Variants in ANKAR observed in about 807,000 individuals in gnomAD.
ANKAR encodes ankyrin and armadillo repeat-containing protein.
In ANKAR, 136 loss-of-function variants were observed where a neutral mutation model predicts 146.2. The ratio of observed to expected loss-of-function variants is 0.93; its 90% CI spans 0.81 to 1.07. ANKAR has a LOEUF of 1.07. ANKAR is among the 50% of genes least tolerant of loss of function. The pLI is 0.00. For synonymous variants in ANKAR, 500 were observed against 575.8 expected, an observed-to-expected ratio of 0.87 and a Z score of 1.88; for missense variants, 1,567 against 1,679.9, an observed-to-expected ratio of 0.93 and a Z score of 1.18.
intron 21 of ANKAR, 38 bp from the exon 22 acceptor site, chr2:189,744,704 C>A (rs1257466147): frequency 6.7e-7 from 1 of 1,491,254 alleles, no homozygotes; most frequent in Non-Finnish European, 9.3e-7. Flanking sequence ...TGCATTATGT[C>A]TTCATTTATT....
At chr2:189,691,216 C>G (rs2036344813) in intron 3 of ANKAR, among the ~76,000 whole-genome samples, 1 of 152,076 alleles carries the variant, frequency 6.6e-6, no homozygotes, top group Admixed American at 6.5e-5. Context: ...CCACCATGCC[C>G]AGCTAATTTT....
intron 12 of ANKAR, among the ~76,000 whole-genome samples, chr2:189,726,512 C>A (rs2041894037): frequency 6.6e-6 from 1 of 152,062 alleles, no homozygotes. Context: ...ACACATCAAA[C>A]AAACCCAAAC....
At chr2:189,727,729 T>G (rs2042032134) in intron 12 of ANKAR, 127 bp from the exon 13 acceptor site, 10 of 1,211,580 alleles carry the variant, frequency 8.3e-6, no homozygotes. Flanking sequence ...TTATTTCTAT[T>G]TTTCTTTATT....
At chr2:189,746,747 C>A, downstream of ANKAR, 1 of 1,101,690 alleles carries the variant, frequency 9.1e-7, no homozygotes, top group Non-Finnish European at 1.2e-6. Flanking sequence ...TTCTTGATCT[C>A]GATACTAAGC....
intron 18 of ANKAR, among the ~76,000 whole-genome samples, chr2:189,755,869 G>GA (rs1182995633): frequency 2.6e-5 from 4 of 152,104 alleles, no homozygotes; most frequent in Non-Finnish European, 4.4e-5. Context: ...GGAAGGACAG[G>GA]AAAAAATTGT....
chr2:189,744,716 T>C lies in ANKAR; in HGVS notation c.4011-26T>C, dbSNP rs772363360. The C allele has an allele frequency of 3.4e-5, 52 of 1,550,700 alleles. 1 individual carries two copies. The South Asian group carries it at 5.9e-4, about 18-fold the overall frequency. On this transcript the variant is annotated intron_variant, in intron 21 of 22. Coordinates refer to ENST00000684021, the MANE Select transcript of ANKAR (RefSeq NM_001378068.1). ...GGGTGCATTATGTCTTCATTTATTT[T>C]AATGACAAAAATGTTTTCCTTTTAG...
chr2:189,733,356 C>A, intron 17 of ANKAR, 127 bp downstream of exon 17: 1 of 808,318 alleles, frequency 1.2e-6, no homozygotes, highest in East Asian at 2.9e-5. Flanking sequence ...TGTAAAAGAT[C>A]TCTTTGTAGG....
intron 6 of ANKAR, 126 bp downstream of exon 6, chr2:189,695,287 C>G: frequency 2.6e-6 from 2 of 757,598 alleles, no homozygotes; most frequent in Non-Finnish European, 3.9e-6. Context: ...AATAAAATGC[C>G]ACATTTTAGT....
At position 189,696,291 on chromosome 2, in the gene ANKAR, A is replaced by G; in HGVS notation, c.1630A>G (p.Asn544Asp). 6.2e-7 allele frequency: 1 copy of G among 1,614,130 alleles called. No individual in the cohort carries two copies. The change falls in exon 7 of 23, where the codon AAC becomes GAC. Residue 544 changes from asparagine to aspartate, a missense_variant. Asn to Asp is a conservative substitution (Grantham distance 23, BLOSUM62 1). Transcript: ENST00000684021. ...TATTTTTCATCATGCTGCCCTGCAC[A>G]ACAGAGTTTCTATTATATGTCAACT... ...YTIFHHAALH[N>D]RVSIICQLCN...
downstream of ANKAR, chr2:189,761,683 ACTT>A: frequency 6.8e-7 from 1 of 1,479,304 alleles, no homozygotes; most frequent in Non-Finnish European, 8.9e-7. Context: ...TACAGAAACA[ACTT>A]ATTATTTGCA....
In ANKAR at chr2:189,728,768, T is replaced by C. The variant is rs2042124695; in HGVS notation, c.3140T>C (p.Ile1047Thr). 1 of 1,614,074 alleles carries C rather than the reference T, an allele frequency of 6.2e-7. No individual in the cohort carries two copies. The highest frequency in any genetic ancestry group is 2.2e-5 in the East Asian group (1 of 44,880). Residue 1047 changes from isoleucine to threonine, a missense_variant, in exon 15 of 23, where the codon ATT (isoleucine) becomes ACT (threonine). Physicochemically the swap from Ile to Thr is moderately conservative, Grantham distance 89 (BLOSUM62 -1). Coordinates refer to ENST00000684021, the MANE Select transcript of ANKAR (RefSeq NM_001378068.1). The stretch of plus-strand genomic sequence containing the variant: ...GTTCGCTTACTAAGAATTAGTACGA[T>C]TGCTGAAGGCACACTTCTCAGTGTC... ...PLVRLLRIST[I>T]AEGTLLSVIR... is the part of the protein sequence containing the mutation.
chr2:189,717,529 C>T (rs866047160), intron 10 of ANKAR, among the ~76,000 whole-genome samples: 7 of 152,222 alleles, frequency 4.6e-5, no homozygotes, highest in Middle Eastern at 3.4e-3. Context: ...GACAGTGTGG[C>T]GATTCCTCAA....
At chr2:189,732,319 T>C (rs2042479170) in intron 16 of ANKAR, among the ~76,000 whole-genome samples, 1 of 152,104 alleles carries the variant, frequency 6.6e-6, no homozygotes, top group African/African-American at 2.4e-5. Flanking sequence ...GGAGGAAAAA[T>C]TAGTAGTACT....
chr2:189,752,283 C>T (rs556098303), intron 18 of ANKAR, among the ~76,000 whole-genome samples: 1 of 152,342 alleles, frequency 6.6e-6, no homozygotes, highest in East Asian at 1.9e-4. Context: ...CCCACTCTCA[C>T]ACCTGAATGC....
At chr2:189,701,481 C>T (rs772203922) in intron 7 of ANKAR, among the ~76,000 whole-genome samples, 1 of 152,192 alleles carries the variant, frequency 6.6e-6, no homozygotes, top group Non-Finnish European at 1.5e-5. Flanking sequence ...GGAATCCTCC[C>T]ACCTTGGCTT....
At chr2:189,693,541 G>C (rs1402216047) in intron 5 of ANKAR, among the ~76,000 whole-genome samples, 1 of 152,164 alleles carries the variant, frequency 6.6e-6, no homozygotes, top group African/African-American at 2.4e-5. Context: ...GTAGAGCTCA[G>C]AGGAAACATT....
intron 9 of ANKAR, among the ~76,000 whole-genome samples, chr2:189,708,963 G>A (rs1167602141): frequency 2.6e-5 from 4 of 152,112 alleles, no homozygotes; most frequent in South Asian, 2.1e-4. Context: ...TCAGCTGGGC[G>A]TGGTGGCACG....
chr2:189,757,546 T>C (rs75999172), intron 18 of ANKAR, among the ~76,000 whole-genome samples: 2,483 of 152,348 alleles, frequency 0.016, 68 homozygotes, highest in African/African-American at 0.056. Context: ...ACAACATTAA[T>C]TTGAGTTAGT....
chr2:189,724,922 AAAG>A (rs1326434452), intron 12 of ANKAR, among the ~76,000 whole-genome samples: 1 of 152,192 alleles, frequency 6.6e-6, no homozygotes, highest in African/African-American at 2.4e-5. Flanking sequence ...CTAGATTTAA[AAAG>A]AAAAGAAAAA....
Sources: gnomAD v4.1 joint callset for allele counts (sites outside exome capture counted in the v4.1 genomes callset) on GRCh38, gnomAD v4.1.1 for gene constraint, MANE v1.5 for transcripts, NCBI Gene and HGNC (gene_info 2026-07-23, HGNC 2026-07-21) for gene names.